Variants in KCNK12 observed in about 807,000 individuals in gnomAD.
KCNK12 encodes potassium channel subfamily K member 12.
Under a neutral mutation model 25.3 loss-of-function variants are expected in KCNK12, and 6 were observed. The observed-to-expected ratio is 0.24, with a 90% CI of 0.13 to 0.47. KCNK12 has a LOEUF of 0.47. Ranked by LOEUF, KCNK12 falls within the 20% of genes least tolerant of loss-of-function variation. KCNK12 has a pLI of 0.99. For missense variants in KCNK12, 444 were observed against 661.7 expected, an observed-to-expected ratio of 0.67 and a Z score of 3.61; for synonymous variants, 331 against 311.1, an observed-to-expected ratio of 1.06 and a Z score of -0.67.
chr2:47,550,844 G>A (rs1042656866), intron 1 of KCNK12, among the ~76,000 whole-genome samples: 12 of 152,048 alleles, frequency 7.9e-5, no homozygotes, highest in Admixed American at 4.6e-4. Flanking sequence ...AACATGCCCC[G>A]GTCCAAATCA....
At position 47,565,765 on chromosome 2, in the gene KCNK12, A is replaced by G. The variant is rs1029869053; in HGVS notation, c.391+4176T>C. The G allele has an allele frequency of 3.3e-5, 5 of 152,244 alleles. No homozygotes were observed. The highest frequency in any genetic ancestry group is 2.0e-4 in the Admixed American group (3 of 15,280). The allele number at this position is 152,244 out of a possible 1,614,324, so 9.4% of individuals were successfully genotyped here. Reference sequence around the variant, plus strand: ...TAATTCTGTTTGGATTGTTTGGAATATCTCTGAGCTGGAATACTGTCTTCA... The same window carrying G: ...TAATTCTGTTTGGATTGTTTGGAATGTCTCTGAGCTGGAATACTGTCTTCA... On this transcript the variant is annotated intron_variant, in intron 1 of 1. Transcript: ENST00000327876. This position sits in a 1 kb window ranked among gnomAD's most constrained non-coding sequence, Gnocchi z 5.0.
chr2:47,536,612 C>T (rs1453064918), intron 1 of KCNK12, among the ~76,000 whole-genome samples: 1 of 152,196 alleles, frequency 6.6e-6, no homozygotes, highest in East Asian at 1.9e-4. Context: ...CAGGAACACA[C>T]CTGTAGTCAA....
rs1185400838 is a variant in KCNK12, at chr2:47,566,270, C to T, written c.391+3671G>A. 1 of 152,206 alleles carries T rather than the reference C, an allele frequency of 6.6e-6. No individual in the cohort carries two copies. The highest frequency in any genetic ancestry group is 2.4e-5 in the African/African-American group (1 of 41,448). The allele number at this position is 152,206 out of a possible 1,614,324, so 9.4% of individuals were successfully genotyped here. A position where few individuals can be genotyped will look rare whatever the true frequency, so the allele number is the denominator to read the frequency against. On this transcript the variant is annotated intron_variant, in intron 1 of 1. Transcript: ENST00000327876. This position sits in a 1 kb window ranked among gnomAD's most constrained non-coding sequence, Gnocchi z 4.1. ...CAAACCAAATATCAGGACAAACATT[C>T]TACTTCATTGTGGTGTTCCATGTAA... is the stretch of plus-strand genomic sequence containing the variant.
intron 1 of KCNK12, among the ~76,000 whole-genome samples, chr2:47,532,558 TTTA>T (rs1446135689): frequency 6.6e-6 from 1 of 152,184 alleles, no homozygotes; most frequent in African/African-American, 2.4e-5. Context: ...CTTTCATTGC[TTTA>T]TTCTTTTGTT....
chr2:47,512,573 C>A lies in KCNK12; in HGVS notation c.*8334G>T. On this transcript the variant is annotated 3_prime_UTR_variant, in exon 2 of 2. Coordinates refer to ENST00000327876, the MANE Select transcript of KCNK12 (RefSeq NM_022055.2). ...GGGTCAGGAATATAACTTTCTCTGC[C>A]CAGATTCCAGGACTTACAGTGAGAA... 1 of 961,640 alleles carries A rather than the reference C, an allele frequency of 1.0e-6. No homozygotes were observed. Among genetic ancestry groups the A allele is most frequent in the Non-Finnish European group, 1.5e-6 (1 of 663,734 alleles). 59.6% of individuals were successfully genotyped at this position (961,640 alleles called of 1,614,324 possible).
At chr2:47,539,756 G>A (rs1407395647) in intron 1 of KCNK12, among the ~76,000 whole-genome samples, 3 of 152,202 alleles carry the variant, frequency 2.0e-5, no homozygotes, top group South Asian at 4.1e-4. Flanking sequence ...GCCGAAAGGG[G>A]AAGAAACGGA....
At chr2:47,527,984 C>T (rs1310218962) in intron 1 of KCNK12, among the ~76,000 whole-genome samples, 2 of 152,162 alleles carry the variant, frequency 1.3e-5, no homozygotes, top group African/African-American at 4.8e-5. Flanking sequence ...CAGTTTTGTA[C>T]AGATCCTACC....
At position 47,563,715 on chromosome 2, in the gene KCNK12, G is replaced by T. The variant is rs910416912; in HGVS notation, c.391+6226C>A. ...AGCTCTGCTCCTATTTGCTATAATG[G>T]GCTGATTGTTGGCTTTTGTTGACAA... is the stretch of plus-strand genomic sequence containing the variant. On this transcript the variant is annotated intron_variant, in intron 1 of 1. Coordinates refer to ENST00000327876, the MANE Select transcript of KCNK12 (RefSeq NM_022055.2). 7 of 232,888 alleles carry T rather than the reference G, an allele frequency of 3.0e-5. No individual in the cohort carries two copies. The East Asian group carries it at 3.6e-4, about 12-fold the overall frequency. 14.4% of individuals were successfully genotyped at this position (232,888 alleles called of 1,614,324 possible). A position where few individuals can be genotyped will look rare whatever the true frequency, so the allele number is the denominator to read the frequency against.
rs1201802453 is a variant in KCNK12 at position 47,540,991 on chromosome 2, G to T, written c.392-19183C>A. ...CCATCTGTGCAATTCCTTCCTCCTAGAATTCAGAATCTGAGGTGCTGGTTT... is the reference window on the plus strand; with the variant it reads ...CCATCTGTGCAATTCCTTCCTCCTATAATTCAGAATCTGAGGTGCTGGTTT... On this transcript the variant is annotated intron_variant, in intron 1 of 1. Coordinates refer to ENST00000327876, the MANE Select transcript of KCNK12 (RefSeq NM_022055.2). This position sits in a 1 kb window ranked among gnomAD's most constrained non-coding sequence, Gnocchi z 5.4. 6.6e-6 allele frequency among the ~76,000 whole-genome samples: 1 copy of T among 152,184 alleles called. No individual in the cohort carries two copies. Among genetic ancestry groups the T allele is most frequent in the African/African-American group, 2.4e-5 (1 of 41,438 alleles).
chr2:47,534,284 A>ATCAT (rs1669002456), intron 1 of KCNK12, among the ~76,000 whole-genome samples: 1 of 151,970 alleles, frequency 6.6e-6, no homozygotes, highest in Admixed American at 6.5e-5. Context: ...CTCACCAGAA[A>ATCAT]TCATTCAGCA....
In KCNK12 at chr2:47,555,887, A is replaced by T. The variant is rs1331946929; in HGVS notation, c.391+14054T>A. 2.0e-5 allele frequency: 3 copies of T among 152,274 alleles called. No homozygotes were observed. The highest frequency in any genetic ancestry group is 7.2e-5 in the African/African-American group (3 of 41,448). The allele number at this position is 152,274 out of a possible 1,614,324, so 9.4% of individuals were successfully genotyped here. ...AGCATGATGTTCTGGAAGCCAAGAG[A>T]AAAGAGGAGTTTGAGGATAAATGGT... On this transcript the variant is annotated intron_variant, in intron 1 of 1. Coordinates refer to ENST00000327876, the MANE Select transcript of KCNK12 (RefSeq NM_022055.2). The surrounding 1 kb of genome is among the most constrained non-coding windows in gnomAD (Gnocchi z 4.5).
chr2:47,551,994 G>A lies in KCNK12; in HGVS notation c.391+17947C>T, dbSNP rs1428021627. ...GCATCACCTCCTTCCTTCTTGTTTG[G>A]CCCTGGGGACGACCGGTGGTGGGGA... On this transcript the variant is annotated intron_variant, in intron 1 of 1. Coordinates refer to ENST00000327876, the MANE Select transcript of KCNK12 (RefSeq NM_022055.2). The surrounding 1 kb of genome is among the most constrained non-coding windows in gnomAD (Gnocchi z 5.3). Among the ~76,000 whole-genome samples, 5 of 152,294 alleles carry A rather than the reference G, an allele frequency of 3.3e-5. No individual in the cohort carries two copies. Among genetic ancestry groups the A allele is most frequent in the Non-Finnish European group, 7.4e-5 (5 of 68,020 alleles).
At position 47,562,889 on chromosome 2, in the gene KCNK12, G is replaced by C. The variant is rs1438462536; in HGVS notation, c.391+7052C>G. The C allele has an allele frequency of 1.3e-5, 3 of 233,114 alleles. No individual in the cohort carries two copies. Among genetic ancestry groups the C allele is most frequent in the Non-Finnish European group, 2.5e-5 (3 of 118,106 alleles). The allele number at this position is 233,114 out of a possible 1,614,324, so 14.4% of individuals were successfully genotyped here. ...ACTCTGCCCAAAGCACCCACCTTGGGCTCCACACACTTTCCGGATTGCTGG... is the reference window on the plus strand; with the variant it reads ...ACTCTGCCCAAAGCACCCACCTTGGCCTCCACACACTTTCCGGATTGCTGG... On this transcript the variant is annotated intron_variant, in intron 1 of 1. Transcript: ENST00000327876. This position sits in a 1 kb window ranked among gnomAD's most constrained non-coding sequence, Gnocchi z 4.8.
chr2:47,561,041 C>A (rs1669658994), intron 1 of KCNK12, among the ~76,000 whole-genome samples: 1 of 152,202 alleles, frequency 6.6e-6, no homozygotes, highest in Non-Finnish European at 1.5e-5. Flanking sequence ...CCTTCAGCGA[C>A]CTTCACCCAG....
intron 1 of KCNK12, among the ~76,000 whole-genome samples, chr2:47,531,999 A>G (rs1216966457): frequency 6.6e-6 from 1 of 151,688 alleles, no homozygotes; most frequent in Non-Finnish European, 1.5e-5. Context: ...GTGAGCTGAG[A>G]TCATGTCACT....
chr2:47,528,057 C>G lies in KCNK12; in HGVS notation c.392-6249G>C, dbSNP rs1246734169. On this transcript the variant is annotated intron_variant, in intron 1 of 1. Transcript: ENST00000327876. The surrounding 1 kb of genome is among the most constrained non-coding windows in gnomAD (Gnocchi z 4.5). The stretch of plus-strand genomic sequence containing the variant: ...GCATATAGTCTGGGCCAGAACTTGT[C>G]CTGGGGTCTTCTTACGGCCCTGGTT... 6.6e-6 allele frequency among the ~76,000 whole-genome samples: 1 copy of G among 152,166 alleles called. No individual in the cohort carries two copies.
intron 1 of KCNK12, among the ~76,000 whole-genome samples, chr2:47,550,182 G>C (rs1342918724): frequency 6.6e-6 from 1 of 152,008 alleles, no homozygotes; most frequent in Admixed American, 6.6e-5. Context: ...AATAATATTT[G>C]AAGCAATAAT....
rs1573621109 is a variant in KCNK12 at position 47,520,955 on chromosome 2, C to A, written c.1245G>T (p.Ala415=). 2.3e-6 allele frequency: 3 copies of A among 1,297,538 alleles called. No homozygotes were observed. Among genetic ancestry groups the A allele is most frequent in the East Asian group, 6.3e-5 (2 of 31,982 alleles). 80.4% of individuals were successfully genotyped at this position (1,297,538 alleles called of 1,614,324 possible). A position where few individuals can be genotyped will look rare whatever the true frequency, so the allele number is the denominator to read the frequency against. Residue 415 remains alanine, a synonymous_variant, in exon 2 of 2, where the codon GCG becomes GCT. Transcript: ENST00000327876. The surrounding 1 kb of genome is among the most constrained non-coding windows in gnomAD (Gnocchi z 5.0). ...CCAGCCGGTTGTTCATGATGCCCAG[C>A]GCGCCCACGCCGCCCGAGAAGCCGT... ...RQNGFSGGVG[A]LGIMNNRLAE...
intron 1 of KCNK12, among the ~76,000 whole-genome samples, chr2:47,561,688 C>A (rs779665649): frequency 2.0e-5 from 3 of 152,212 alleles, no homozygotes; most frequent in Non-Finnish European, 4.4e-5. Flanking sequence ...AGCCTTCAGT[C>A]TTTAAAGTAA....
Sources: allele counts gnomAD v4.1 joint callset (sites outside exome capture counted in the v4.1 genomes callset), GRCh38; gene constraint gnomAD v4.1.1; non-coding constraint Gnocchi (gnomAD v3.1); transcripts MANE v1.5; gene names NCBI Gene and HGNC (gene_info 2026-07-23, HGNC 2026-07-21).